The following PLCL1 variants were observed in gnomAD, a reference collection of about 807,000 sequenced individuals.
The protein encoded by PLCL1 is inactive phospholipase C-like protein 1.
A neutral mutation model predicts 84.4 loss-of-function variants in PLCL1; 41 were observed. The observed-to-expected ratio is 0.49, with a 90% CI of 0.38 to 0.63. The LOEUF (loss-of-function observed/expected upper bound fraction) is 0.63, where lower values mean the gene tolerates loss of function less well. Among genes scored for constraint, PLCL1 ranks in the 30% least tolerant of loss-of-function variants. PLCL1 has a pLI of 0.00. For synonymous variants in PLCL1, 490 were observed against 488.3 expected, an observed-to-expected ratio of 1.00 and a Z score of -0.05; for missense variants, 1,206 against 1,367.8, an observed-to-expected ratio of 0.88 and a Z score of 1.87.
intron 1 of PLCL1, among the ~76,000 whole-genome samples, chr2:198,076,180 T>TC (rs1692573825): frequency 6.6e-6 from 1 of 151,918 alleles, no homozygotes; most frequent in Non-Finnish European, 1.5e-5. Context: ...CTTTTTTTTT[T>TC]CTCAGCACTC....
chr2:197,826,646 T>C (rs1690934763), intron 1 of PLCL1, among the ~76,000 whole-genome samples: 1 of 152,192 alleles, frequency 6.6e-6, no homozygotes, highest in East Asian at 1.9e-4. Context: ...TCATTGATGC[T>C]TCTAGCATTC....
intron 1 of PLCL1, among the ~76,000 whole-genome samples, chr2:197,847,518 T>TC (rs1687146605): frequency 6.6e-6 from 1 of 152,174 alleles, no homozygotes; most frequent in South Asian, 2.1e-4. Context: ...ATTTTTACCT[T>TC]CTTTTTCCAA....
At chr2:197,903,038 A>G (rs1379590136) in intron 1 of PLCL1, among the ~76,000 whole-genome samples, 1 of 152,200 alleles carries the variant, frequency 6.6e-6, no homozygotes, top group African/African-American at 2.4e-5. Flanking sequence ...AGTACCAAAA[A>G]TAAATTTTGG....
At chr2:197,914,135 A>G (rs1463319716) in intron 1 of PLCL1, among the ~76,000 whole-genome samples, 2 of 152,132 alleles carry the variant, frequency 1.3e-5, no homozygotes, top group Admixed American at 1.3e-4. Context: ...TCCCAGGAGT[A>G]TGGATCCCCA....
At chr2:198,011,467 G>A (rs1261385593) in intron 1 of PLCL1, among the ~76,000 whole-genome samples, 1 of 151,870 alleles carries the variant, frequency 6.6e-6, no homozygotes, top group Non-Finnish European at 1.5e-5. Flanking sequence ...TATTTTGATT[G>A]GAGAAGGTAT....
intron 1 of PLCL1, among the ~76,000 whole-genome samples, chr2:197,941,881 C>T (rs1163826449): frequency 6.6e-6 from 1 of 152,072 alleles, no homozygotes; most frequent in Non-Finnish European, 1.5e-5. Flanking sequence ...CTTAGCTACC[C>T]ACAGAGATCC....
At chr2:197,910,491 GTTTT>G (rs904256228) in intron 1 of PLCL1, among the ~76,000 whole-genome samples, 11 of 152,252 alleles carry the variant, frequency 7.2e-5, no homozygotes, top group Non-Finnish European at 8.8e-5. Flanking sequence ...GCCCTTTCAG[GTTTT>G]TTGTTTGTTT....
At chr2:198,001,994 T>C (rs1210207173) in intron 1 of PLCL1, 1 of 440,804 alleles carries the variant, frequency 2.3e-6, no homozygotes, top group Admixed American at 2.4e-5. Flanking sequence ...GAGTTTCCAC[T>C]GATTCTTCAT....
intron 5 of PLCL1, among the ~76,000 whole-genome samples, chr2:198,125,957 A>G (rs1319234474): frequency 6.6e-6 from 1 of 152,180 alleles, no homozygotes; most frequent in Admixed American, 6.6e-5. Flanking sequence ...CAACAGATAC[A>G]TGAAGTGTTC....
intron 1 of PLCL1, among the ~76,000 whole-genome samples, chr2:198,062,319 T>C (rs1692223476): frequency 1.3e-5 from 2 of 152,212 alleles, no homozygotes. Flanking sequence ...GATAAATTTT[T>C]TCTTAAAGGA....
chr2:198,105,353 C>G (rs1322228218), intron 5 of PLCL1, among the ~76,000 whole-genome samples: 2 of 151,908 alleles, frequency 1.3e-5, no homozygotes, highest in African/African-American at 4.8e-5. Context: ...TCTGAGCTCT[C>G]TATTCTGTTC....
intron 1 of PLCL1, among the ~76,000 whole-genome samples, chr2:197,855,607 A>G (rs1216191447): frequency 6.6e-6 from 1 of 152,024 alleles, no homozygotes; most frequent in African/African-American, 2.4e-5. Flanking sequence ...GTTTTAATTT[A>G]TCTGCTTCCA....
chr2:198,130,809 C>T (rs922203910), intron 5 of PLCL1, among the ~76,000 whole-genome samples: 6 of 152,154 alleles, frequency 3.9e-5, no homozygotes, highest in East Asian at 1.9e-4. Context: ...TTCCCATAGC[C>T]GTCACCTTAG....
intron 1 of PLCL1, among the ~76,000 whole-genome samples, chr2:197,884,374 T>C (rs908400985): frequency 6.6e-6 from 1 of 152,232 alleles, no homozygotes; most frequent in Non-Finnish European, 1.5e-5. Context: ...CTCTCTCTTT[T>C]AGTTGTCCTA....
At chr2:197,913,683 T>C (rs1003411255) in intron 1 of PLCL1, among the ~76,000 whole-genome samples, 1 of 152,242 alleles carries the variant, frequency 6.6e-6, no homozygotes, top group Non-Finnish European at 1.5e-5. Flanking sequence ...AGAAATGCTT[T>C]GTCTACTCAT....
At chr2:197,981,479 A>C (rs1690103855) in intron 1 of PLCL1, among the ~76,000 whole-genome samples, 1 of 152,144 alleles carries the variant, frequency 6.6e-6, no homozygotes, top group Admixed American at 6.5e-5. Flanking sequence ...TTTTTAATTC[A>C]TTTTTCCTGA....
intron 5 of PLCL1, among the ~76,000 whole-genome samples, chr2:198,138,486 A>C (rs1694309328): frequency 6.6e-6 from 1 of 152,206 alleles, no homozygotes; most frequent in Non-Finnish European, 1.5e-5. Flanking sequence ...ACACAGAGCC[A>C]AACCATATCA....
At chr2:197,842,092 T>C (rs1687016307) in intron 1 of PLCL1, among the ~76,000 whole-genome samples, 1 of 152,188 alleles carries the variant, frequency 6.6e-6, no homozygotes, top group Non-Finnish European at 1.5e-5. Flanking sequence ...AGATTGCCCA[T>C]TAGGAATGCC....
At chr2:197,974,736 C>A (rs1689933011) in intron 1 of PLCL1, among the ~76,000 whole-genome samples, 1 of 152,244 alleles carries the variant, frequency 6.6e-6, no homozygotes, top group Non-Finnish European at 1.5e-5. Context: ...GTATTGTGTA[C>A]TTTGGGAAGA....
Sources: allele counts gnomAD v4.1 joint callset (sites outside exome capture counted in the v4.1 genomes callset), GRCh38; gene constraint gnomAD v4.1.1; transcripts MANE v1.5; gene names NCBI Gene and HGNC (gene_info 2026-07-23, HGNC 2026-07-21).